The following LATS1 variants were observed in gnomAD, a reference collection of about 807,000 sequenced individuals.
LATS1 encodes serine/threonine-protein kinase LATS1.
In LATS1, 25 loss-of-function variants were observed where a neutral mutation model predicts 106.6. The ratio of observed to expected loss-of-function variants is 0.23; its 90% CI spans 0.17 to 0.33. The LOEUF is 0.33. Among genes scored for constraint, LATS1 ranks in the 10% least tolerant of loss-of-function variants. The pLI is 1.00. For synonymous variants in LATS1, 465 were observed against 455.6 expected (o/e 1.02, Z -0.26); for missense variants, 1,040 against 1,382.6 (o/e 0.75, Z 3.93).
intron 1 of LATS1, among the ~76,000 whole-genome samples, chr6:149,709,826 C>T (rs998523201): frequency 1.3e-5 from 2 of 151,998 alleles, no homozygotes; most frequent in Admixed American, 6.6e-5. Context: ...CAGGCGTGCG[C>T]TACCATGCCT....
chr6:149,713,299 CTT>C (rs879912031), intron 1 of LATS1, among the ~76,000 whole-genome samples: 3 of 145,002 alleles, frequency 2.1e-5, no homozygotes, highest in Admixed American at 6.9e-5. Flanking sequence ...GTATTATTTT[CTT>C]TTTTTTTTTT....
At position 149,707,178 on chromosome 6, in the gene LATS1, G is replaced by C. The variant is rs1027769382; in HGVS notation, c.-140-4912C>G. On this transcript the variant is annotated intron_variant, in intron 1 of 7. Coordinates refer to ENST00000543571, the MANE Select transcript of LATS1 (RefSeq NM_004690.4). ...TCACAGGTGTGTACCACCACGCCAG[G>C]CTAATTTTTGTATTTTTAGTAGAGA... Among the ~76,000 whole-genome samples the C allele has an allele frequency of 3.3e-5, 5 of 151,936 alleles. No homozygotes were observed. The East Asian group carries it at 9.7e-4, about 29-fold the overall frequency.
chr6:149,678,203 G>T (rs962210990), intron 5 of LATS1, among the ~76,000 whole-genome samples: 4 of 148,528 alleles, frequency 2.7e-5, no homozygotes, highest in Admixed American at 2.0e-4. Flanking sequence ...AAATAGCCGG[G>T]CGTGGTTGCC....
intron 1 of LATS1, among the ~76,000 whole-genome samples, chr6:149,702,650 T>C (rs1028750235): frequency 7.2e-5 from 11 of 152,132 alleles, no homozygotes; most frequent in African/African-American, 9.6e-5. Flanking sequence ...AAGGGTATTG[T>C]TGCTTTAAAT....
At chr6:149,706,175 C>T (rs1197034414) in intron 1 of LATS1, among the ~76,000 whole-genome samples, 4 of 90,330 alleles carry the variant, frequency 4.4e-5, no homozygotes, top group East Asian at 3.5e-4. Flanking sequence ...AAGAGCGAAA[C>T]CCGGTCGCAA....
At chr6:149,680,882 T>A (rs1455693386) in intron 4 of LATS1, among the ~76,000 whole-genome samples, 3 of 152,088 alleles carry the variant, frequency 2.0e-5, no homozygotes, top group Non-Finnish European at 4.4e-5. Flanking sequence ...TTGTCTTTCA[T>A]GAAAAAAAAT....
At chr6:149,666,449 C>G (rs1482326353) in intron 7 of LATS1, among the ~76,000 whole-genome samples, 1 of 150,972 alleles carries the variant, frequency 6.6e-6, no homozygotes, top group Non-Finnish European at 1.5e-5. Context: ...AACCCCGTCT[C>G]TACTAAAAAC....
Position 149,684,158 on chromosome 6 carries a change from T to C in LATS1, c.931A>G (p.Asn311Asp). The change falls in exon 4 of 8, where the codon AAT becomes GAT. Residue 311 changes from asparagine (N) to aspartate (D), a missense_variant. This residue lies in a region of LATS1 where 624 missense variants were observed against 714.8 expected (regional missense o/e 0.87). Coordinates refer to ENST00000543571, the MANE Select transcript of LATS1 (RefSeq NM_004690.4). ...CCTCTCTGTCCTTGATTAGGAGGAT[T>C]CATGGGGGAAGTGTTGAGAGGTGGT... ...PPPPLNTSPM[N>D]PPNQGQRGIS... 6.2e-7 allele frequency: 1 copy of C among 1,614,158 alleles called. No homozygotes were observed. Among genetic ancestry groups the C allele is most frequent in the Non-Finnish European group, 8.5e-7 (1 of 1,180,032 alleles).
chr6:149,689,511 CT>C (rs1333888779), intron 3 of LATS1, among the ~76,000 whole-genome samples: 1 of 151,698 alleles, frequency 6.6e-6, no homozygotes, highest in Non-Finnish European at 1.5e-5. Flanking sequence ...TTCCAGCTAT[CT>C]TTTTTTGTTG....
rs1185983218 is a variant in LATS1, at chr6:149,658,938, CAT to C, written c.*2789_*2790del. 4 of 151,986 alleles carry C rather than the reference CAT, an allele frequency of 2.6e-5. No individual in the cohort carries two copies. The highest frequency in any genetic ancestry group is 7.2e-5 in the African/African-American group (3 of 41,386). The allele number at this position is 151,986 out of a possible 1,614,324, so 9.4% of individuals were successfully genotyped here. A position where few individuals can be genotyped will look rare whatever the true frequency, so the allele number is the denominator to read the frequency against. ...ATAAGAAAATTATTTTAAAAGAAAA[CAT>C]ATAGAACCAATGTTTTCACTCCATT... is the stretch of plus-strand genomic sequence containing the variant. On this transcript the variant is annotated 3_prime_UTR_variant, in exon 8 of 8. Transcript: ENST00000543571.
chr6:149,684,569 G>C lies in LATS1; in HGVS notation c.520C>G (p.Arg174Gly), dbSNP rs200089333. 2.5e-6 allele frequency: 4 copies of C among 1,601,518 alleles called. No homozygotes were observed. In the African/African-American group the frequency reaches 5.4e-5, roughly 21 times the overall value. ...KPGNVQQSVN[R>G]KQSWKGSKES... The stretch of plus-strand genomic sequence containing the variant: ...TTAGAACCTTTCCAGCTCTGTTTGC[G>C]GTTAACTGATTGCTGCACATTCCCT... Residue 174 changes from arginine (R) to glycine (G), a missense_variant, in exon 4 of 8, where the codon CGC (arginine) becomes GGC (glycine). By Grantham distance (125) the Arg-to-Gly change is moderately radical (BLOSUM62 -2). Around this residue, in one of 7 missense-constraint regions of LATS1, gnomAD observed 624 missense variants for 714.8 expected, o/e 0.87. Transcript: ENST00000543571.
chr6:149,702,143 G>A lies in LATS1; in HGVS notation c.-17C>T. 6.6e-7 allele frequency: 1 copy of A among 1,513,968 alleles called. No individual in the cohort carries two copies. 93.8% of individuals were successfully genotyped at this position (1,513,968 alleles called of 1,614,324 possible). On this transcript the variant is annotated 5_prime_UTR_variant, in exon 2 of 8. Coordinates refer to ENST00000543571, the MANE Select transcript of LATS1 (RefSeq NM_004690.4). The stretch of plus-strand genomic sequence containing the variant: ...CCTCTTCATGAAAACATCTATATAT[G>A]TAGCCCACACGAAGGACTTCTTTAT...
At position 149,717,970 on chromosome 6, in the gene LATS1, G is replaced by C. The variant is rs1253159237; in HGVS notation, c.-262C>G. The C allele has an allele frequency of 1.9e-5, 7 of 365,496 alleles. 1 individual carries two copies. Among genetic ancestry groups the C allele is most frequent in the South Asian group, 7.3e-5 (4 of 54,550 alleles). The allele number at this position is 365,496 out of a possible 1,614,324, so 22.6% of individuals were successfully genotyped here. On this transcript the variant is annotated 5_prime_UTR_variant, in exon 1 of 8. Coordinates refer to ENST00000543571, the MANE Select transcript of LATS1 (RefSeq NM_004690.4). ...GTGGGGCAGAGCGGGGAGACGAACG[G>C]GGGGGCTGCCGCGGGCCAGCGCGGC...
rs769204431 is a variant in LATS1, at chr6:149,683,743, T to C, written c.1346A>G (p.His449Arg). 82 of 1,614,068 alleles carry C rather than the reference T, an allele frequency of 5.1e-5. No individual in the cohort carries two copies. In the South Asian group the frequency reaches 8.0e-4, roughly 16 times the overall value. Reference protein sequence around the residue: ...APAQSSPSSGHEIPTWQPNIP... With the variant: ...APAQSSPSSGREIPTWQPNIP... ...GTTAGGTTGCCATGTAGGGATTTCA[T>C]GCCCACTGCTCGGGGATGACTGGGC... The change falls in exon 4 of 8, where the codon CAT (histidine) becomes CGT (arginine). Residue 449 changes from histidine (H) to arginine (R), a missense_variant. By Grantham distance (29) the His-to-Arg change is conservative (BLOSUM62 0). Around this residue, in one of 7 missense-constraint regions of LATS1, gnomAD observed 624 missense variants for 714.8 expected, o/e 0.87. Transcript: ENST00000543571.
At chr6:149,665,010 C>G (rs1469099205) in intron 7 of LATS1, among the ~76,000 whole-genome samples, 3 of 152,134 alleles carry the variant, frequency 2.0e-5, no homozygotes, top group Non-Finnish European at 4.4e-5. Flanking sequence ...GCAATAAGAG[C>G]CAGTATGCAC....
At chr6:149,699,932 A>G (rs570825931) in intron 2 of LATS1, among the ~76,000 whole-genome samples, 2 of 152,320 alleles carry the variant, frequency 1.3e-5, no homozygotes, top group Middle Eastern at 3.4e-3. Flanking sequence ...GTAAAAGGAA[A>G]GAATAAGATC....
At chr6:149,701,705 C>T (rs1783469418) in intron 2 of LATS1, 74 bp downstream of exon 2, 6 of 1,065,200 alleles carry the variant, frequency 5.6e-6, no homozygotes, top group Non-Finnish European at 8.2e-6. Flanking sequence ...AACATTTTGG[C>T]ATGTTATCAC....
At position 149,683,342 on chromosome 6, in the gene LATS1, C is replaced by G. The variant is rs749264083; in HGVS notation, c.1747G>C (p.Asp583His). ...TCTTCCTTGGGCAAGCTTGGCTGAT[C>G]CTCTTTGCTAGGCTTACTGATTGAC... ...YESISKPSKE[D>H]QPSLPKEDES... Residue 583 changes from aspartate to histidine, a missense_variant, in exon 4 of 8, where the codon GAT becomes CAT. Transcript: ENST00000543571. 5.6e-6 allele frequency: 9 copies of G among 1,614,018 alleles called. No homozygotes were observed. The South Asian group carries it at 9.9e-5, about 18-fold the overall frequency.
intron 3 of LATS1, among the ~76,000 whole-genome samples, chr6:149,687,858 G>A (rs189417031): frequency 5.2e-4 from 74 of 142,060 alleles, no homozygotes; most frequent in African/African-American, 1.8e-3. Flanking sequence ...GTGAGCCACC[G>A]TACTTGACCC....
Sources: allele counts gnomAD v4.1 joint callset (sites outside exome capture counted in the v4.1 genomes callset), GRCh38; gene constraint gnomAD v4.1.1; regional missense constraint gnomAD v4.1.1; transcripts MANE v1.5; gene names NCBI Gene and HGNC (gene_info 2026-07-23, HGNC 2026-07-21).